Variants in HTR1E observed in about 807,000 individuals in gnomAD.
The protein encoded by HTR1E is 5-hydroxytryptamine receptor 1E.
A neutral mutation model predicts 3.4 loss-of-function variants in HTR1E; 3 were observed. That is an observed-to-expected ratio of 0.89 (90% CI 0.41 to 2.31). The LOEUF (loss-of-function observed/expected upper bound fraction) is 2.31. Ranked by LOEUF, HTR1E falls within the 30% of genes most tolerant of loss-of-function variation. HTR1E has a pLI of 0.05. For missense variants in HTR1E, 392 were observed against 467.0 expected, an observed-to-expected ratio of 0.84 and a Z score of 1.48; for synonymous variants, 170 against 182.8, an observed-to-expected ratio of 0.93 and a Z score of 0.56.
intron 1 of HTR1E, among the ~76,000 whole-genome samples, chr6:87,004,176 C>T (rs772937407): frequency 3.9e-5 from 6 of 152,134 alleles, no homozygotes; most frequent in Non-Finnish European, 7.4e-5. Context: ...TTTTACCAAA[C>T]ATTTAAAGAA....
chr6:86,976,448 C>G (rs1562065629), intron 1 of HTR1E, among the ~76,000 whole-genome samples: 1 of 152,164 alleles, frequency 6.6e-6, no homozygotes, highest in Non-Finnish European at 1.5e-5. Flanking sequence ...AATGGAGAAA[C>G]TGTTGGTTCA....
rs146028794 is a variant in HTR1E at position 87,002,651 on chromosome 6, T to C, written c.-185-12499T>C. On this transcript the variant is annotated intron_variant, in intron 1 of 1. Transcript: ENST00000305344. ...AATCCTTTAGCTAGACACAGAGTGCTGATCGGTGCATTTTTACAGAGTGCT... is the reference window on the plus strand; with the variant it reads ...AATCCTTTAGCTAGACACAGAGTGCCGATCGGTGCATTTTTACAGAGTGCT... 7.1e-4 allele frequency among the ~76,000 whole-genome samples: 108 copies of C among 152,288 alleles called. 1 individual carries two copies. The highest frequency in any genetic ancestry group is 2.5e-3 in the African/African-American group (103 of 41,562).
At chr6:86,963,995 A>G (rs190355070) in intron 1 of HTR1E, among the ~76,000 whole-genome samples, 129 of 152,318 alleles carry the variant, frequency 8.5e-4, no homozygotes, top group African/African-American at 3.0e-3. Context: ...GGGTAGGACA[A>G]ACAGACAAGC....
chr6:86,977,335 C>T (rs1241818961), intron 1 of HTR1E, among the ~76,000 whole-genome samples: 1 of 152,174 alleles, frequency 6.6e-6, no homozygotes, highest in Non-Finnish European at 1.5e-5. Context: ...TGGCCCCCAG[C>T]TCCATCCATG....
intron 1 of HTR1E, among the ~76,000 whole-genome samples, chr6:87,012,128 T>A (rs571623277): frequency 1.3e-5 from 2 of 151,672 alleles, no homozygotes; most frequent in Admixed American, 6.6e-5. Context: ...ACTGTAGGAG[T>A]GGGGGACAGT....
At chr6:86,945,200 G>A (rs1468424317) in intron 1 of HTR1E, among the ~76,000 whole-genome samples, 5 of 152,114 alleles carry the variant, frequency 3.3e-5, no homozygotes, top group Non-Finnish European at 5.9e-5. Context: ...ATAATCCTGA[G>A]CCTGTGTAGG....
intron 1 of HTR1E, among the ~76,000 whole-genome samples, chr6:86,978,438 CT>C (rs1767668531): frequency 6.6e-6 from 1 of 152,128 alleles, no homozygotes. Context: ...TGGTAGGTGA[CT>C]TGTAACCATA....
intron 1 of HTR1E, among the ~76,000 whole-genome samples, chr6:86,945,707 T>C (rs1768606666): frequency 6.6e-6 from 1 of 151,958 alleles, no homozygotes; most frequent in African/African-American, 2.4e-5. Flanking sequence ...AATTTAAAAG[T>C]TTGGGGGTTT....
chr6:86,941,476 G>A (rs935049256), intron 1 of HTR1E, among the ~76,000 whole-genome samples: 84 of 152,244 alleles, frequency 5.5e-4, no homozygotes, highest in African/African-American at 1.9e-3. Context: ...CCTAAAACAC[G>A]TCAAATGAAA....
intron 1 of HTR1E, among the ~76,000 whole-genome samples, chr6:86,959,117 G>A (rs1463782584): frequency 1.3e-5 from 2 of 152,040 alleles, no homozygotes; most frequent in African/African-American, 4.8e-5. Flanking sequence ...GTCTGAAGAC[G>A]GTCTAGAGGC....
intron 1 of HTR1E, among the ~76,000 whole-genome samples, chr6:86,988,822 A>G (rs901490089): frequency 1.3e-5 from 2 of 152,164 alleles, no homozygotes; most frequent in Non-Finnish European, 2.9e-5. Context: ...GTCACCAAAG[A>G]GTAGAAAATA....
In HTR1E at chr6:87,016,166, C is replaced by G; in HGVS notation, c.832C>G (p.Arg278Gly). The G allele has an allele frequency of 6.2e-7, 1 of 1,614,154 alleles. No individual in the cohort carries two copies. The highest frequency in any genetic ancestry group is 8.5e-7 in the Non-Finnish European group (1 of 1,180,016). ...FDNDLDHPGE[R>G]QQISSTRERK... ...CAATGATCTAGATCACCCAGGAGAACGTCAGCAGATCTCTAGCACCAGGGA... is the reference window on the plus strand; with the variant it reads ...CAATGATCTAGATCACCCAGGAGAAGGTCAGCAGATCTCTAGCACCAGGGA... The change falls in exon 2 of 2, where the codon CGT (arginine) becomes GGT (glycine). Residue 278 changes from arginine (R) to glycine (G), a missense_variant. Coordinates refer to ENST00000305344, the MANE Select transcript of HTR1E (RefSeq NM_000865.3).
chr6:86,986,013 T>G (rs1767780220), intron 1 of HTR1E, among the ~76,000 whole-genome samples: 1 of 152,190 alleles, frequency 6.6e-6, no homozygotes, highest in Admixed American at 6.6e-5. Context: ...TTCTATACAT[T>G]TCTCCTTCTG....
At chr6:87,009,476 C>G (rs529289426) in intron 1 of HTR1E, among the ~76,000 whole-genome samples, 1 of 151,740 alleles carries the variant, frequency 6.6e-6, no homozygotes, top group Non-Finnish European at 1.5e-5. Flanking sequence ...CACACAGACA[C>G]GGCAACCATC....
intron 1 of HTR1E, among the ~76,000 whole-genome samples, chr6:86,994,210 A>G (rs1447713381): frequency 6.6e-6 from 1 of 152,196 alleles, no homozygotes; most frequent in African/African-American, 2.4e-5. Flanking sequence ...CGGGGCTGAA[A>G]AAGTATTTTT....
At chr6:86,940,758 G>A (rs190761536) in intron 1 of HTR1E, among the ~76,000 whole-genome samples, 42 of 152,136 alleles carry the variant, frequency 2.8e-4, no homozygotes, top group South Asian at 2.3e-3. Context: ...TCTAATGTGG[G>A]AAAGCATTCC....
At chr6:86,984,319 T>A (rs1001794202) in intron 1 of HTR1E, among the ~76,000 whole-genome samples, 2 of 152,200 alleles carry the variant, frequency 1.3e-5, no homozygotes, top group African/African-American at 4.8e-5. Flanking sequence ...CATGTGGATG[T>A]TTTCCACAAA....
chr6:86,954,543 C>G (rs1582258701), intron 1 of HTR1E, among the ~76,000 whole-genome samples: 1 of 152,252 alleles, frequency 6.6e-6, no homozygotes, highest in East Asian at 1.9e-4. Flanking sequence ...GGATGGGGAG[C>G]CACAGAATAG....
chr6:86,939,911 T>G (rs1231631123), intron 1 of HTR1E, among the ~76,000 whole-genome samples: 2 of 152,222 alleles, frequency 1.3e-5, no homozygotes, highest in Non-Finnish European at 2.9e-5. Flanking sequence ...TTCTGGTGTC[T>G]ATACAAAATA....
Sources: allele counts gnomAD v4.1 joint callset (sites outside exome capture counted in the v4.1 genomes callset), GRCh38; gene constraint gnomAD v4.1.1; transcripts MANE v1.5; gene names NCBI Gene and HGNC (gene_info 2026-07-23, HGNC 2026-07-21).